Variants in GIGYF2 observed in about 807,000 individuals in gnomAD.
GIGYF2 encodes the protein GRB10 interacting GYF protein 2.
Under a neutral mutation model 208.1 loss-of-function variants are expected in GIGYF2, and 25 were observed. The observed-to-expected ratio is 0.12, with a 90% confidence interval of 0.09 to 0.17. The LOEUF (loss-of-function observed/expected upper bound fraction) is 0.17, where lower values mean the gene tolerates loss of function less well. Ranked by LOEUF, GIGYF2 falls within the 10% of genes least tolerant of loss-of-function variation. The pLI is 1.00. For missense variants in GIGYF2, 1,302 were observed against 1,579.4 expected (o/e 0.82, Z 2.98); for synonymous variants, 534 against 543.8 (o/e 0.98, Z 0.25).
In GIGYF2 at chr2:232,787,012, A is replaced by G. The variant is rs574314077; in HGVS notation, c.533-138A>G. 21 of 623,766 alleles carry G rather than the reference A, an allele frequency of 3.4e-5. No individual in the cohort carries two copies. The African/African-American group carries it at 5.8e-4, about 17-fold the overall frequency. The allele number at this position is 623,766 out of a possible 1,614,324, so 38.6% of individuals were successfully genotyped here. A position where few individuals can be genotyped will look rare whatever the true frequency, so the allele number is the denominator to read the frequency against. ...TGTCTAATAATATATACATATACCC[A>G]CTGTTATTTTAGTGATTTTTTTCTG... On this transcript the variant is annotated intron_variant, in intron 8 of 28. Coordinates refer to ENST00000373563, the MANE Select transcript of GIGYF2 (RefSeq NM_001103146.3).
intron 8 of GIGYF2, among the ~76,000 whole-genome samples, chr2:232,781,139 A>C (rs1179188997): frequency 6.6e-6 from 1 of 152,062 alleles, no homozygotes; most frequent in Admixed American, 6.5e-5. Context: ...TAGTACTTTT[A>C]GTAGAAACGG....
At chr2:232,742,916 G>A (rs1698023636) in intron 3 of GIGYF2, among the ~76,000 whole-genome samples, 1 of 152,174 alleles carries the variant, frequency 6.6e-6, no homozygotes, top group Admixed American at 6.5e-5. Context: ...TTACATGGTT[G>A]TGTATGAAAG....
chr2:232,799,056 G>C (rs1202327312), intron 14 of GIGYF2, among the ~76,000 whole-genome samples: 2 of 151,816 alleles, frequency 1.3e-5, no homozygotes, highest in African/African-American at 4.8e-5. Flanking sequence ...GAATCGTGCA[G>C]TATTTGTCTT....
At chr2:232,714,912 G>T (rs1052016788) in intron 2 of GIGYF2, among the ~76,000 whole-genome samples, 6 of 151,856 alleles carry the variant, frequency 4.0e-5, no homozygotes, top group African/African-American at 1.5e-4. Context: ...TATTTTTCCC[G>T]ATCCTCTCCC....
intron 1 of GIGYF2, among the ~76,000 whole-genome samples, chr2:232,698,458 C>T (rs1695704341): frequency 6.6e-6 from 1 of 151,934 alleles, no homozygotes; most frequent in Non-Finnish European, 1.5e-5. Flanking sequence ...ATAGTATGTC[C>T]TTTTTAGAAT....
chr2:232,851,769 T>C (rs1335356193), intron 28 of GIGYF2, among the ~76,000 whole-genome samples: 2 of 152,188 alleles, frequency 1.3e-5, no homozygotes, highest in African/African-American at 2.4e-5. Flanking sequence ...TATAAAACCA[T>C]GTTGTCTGCA....
chr2:232,703,674 C>T (rs1355102533), intron 2 of GIGYF2, among the ~76,000 whole-genome samples, 185 bp downstream of exon 2: 1 of 152,164 alleles, frequency 6.6e-6, no homozygotes, highest in Non-Finnish European at 1.5e-5. Flanking sequence ...TCTGCATTGA[C>T]CCTGGTGTGA....
chr2:232,729,015 G>A (rs1275700358), intron 2 of GIGYF2, among the ~76,000 whole-genome samples: 1 of 151,124 alleles, frequency 6.6e-6, no homozygotes, highest in African/African-American at 2.4e-5. Flanking sequence ...GTCTGGCTCT[G>A]TTGCCCAGGC....
chr2:232,708,509 G>C (rs1487570663), intron 2 of GIGYF2, among the ~76,000 whole-genome samples: 1 of 152,032 alleles, frequency 6.6e-6, no homozygotes, highest in African/African-American at 2.4e-5. Flanking sequence ...TGAAAAGCTT[G>C]AGGGCTTTTG....
chr2:232,730,034 C>G, intron 2 of GIGYF2: 1 of 843,344 alleles, frequency 1.2e-6, no homozygotes, highest in Non-Finnish European at 2.0e-6. Context: ...TGTGATTATA[C>G]CAACGAAGGG....
At chr2:232,797,217 T>C (rs1222386854) in intron 14 of GIGYF2, among the ~76,000 whole-genome samples, 4 of 152,218 alleles carry the variant, frequency 2.6e-5, no homozygotes, top group Admixed American at 2.0e-4. Flanking sequence ...GGGCACAGAA[T>C]GCTATCTATA....
At chr2:232,828,625 T>TA (rs1233066993) in intron 21 of GIGYF2, 2 of 152,186 alleles carry the variant, frequency 1.3e-5, no homozygotes, top group Non-Finnish European at 2.9e-5. Context: ...GCTAATTTTT[T>TA]AAAAAGTTTT....
At chr2:232,816,576 G>T (rs767168274) in intron 19 of GIGYF2, among the ~76,000 whole-genome samples, 61 of 152,188 alleles carry the variant, frequency 4.0e-4, no homozygotes, top group Non-Finnish European at 6.9e-4. Flanking sequence ...GCATTCAATT[G>T]AGACAGTCAT....
intron 14 of GIGYF2, among the ~76,000 whole-genome samples, chr2:232,803,024 T>G (rs568544939): frequency 5.3e-4 from 81 of 152,104 alleles, no homozygotes; most frequent in Non-Finnish European, 9.4e-4. Context: ...CTCAGCCTCC[T>G]GAGTAGCTGA....
At chr2:232,815,590 G>T (rs1211770923) in intron 18 of GIGYF2, 47 bp from the exon 19 acceptor site, 2 of 983,868 alleles carry the variant, frequency 2.0e-6, no homozygotes, top group Non-Finnish European at 3.3e-6. Flanking sequence ...ATGTCACCAT[G>T]TGTGTAAGCT....
At chr2:232,788,027 A>G (rs1699968162) in intron 9 of GIGYF2, 1 of 154,198 alleles carries the variant, frequency 6.5e-6, no homozygotes, top group Admixed American at 6.4e-5. Flanking sequence ...TGATAATCAG[A>G]TGCAACTGTA....
intron 2 of GIGYF2, among the ~76,000 whole-genome samples, chr2:232,708,671 TAAAAA>T (rs11365519): frequency 1.9e-4 from 23 of 120,396 alleles, no homozygotes; most frequent in East Asian, 7.1e-4. Context: ...CTCATTTCTT[TAAAAA>T]AAAAAAAAAA....
intron 2 of GIGYF2, among the ~76,000 whole-genome samples, chr2:232,722,167 T>C (rs1271958504): frequency 6.6e-6 from 1 of 152,190 alleles, no homozygotes; most frequent in Non-Finnish European, 1.5e-5. Context: ...TTAGCTTCCC[T>C]CTTGTATTAG....
At chr2:232,737,726 G>A (rs1697791929) in intron 3 of GIGYF2, among the ~76,000 whole-genome samples, 2 of 152,076 alleles carry the variant, frequency 1.3e-5, no homozygotes, top group African/African-American at 4.8e-5. Flanking sequence ...CTCTAAATGA[G>A]ACAGAAGCAC....
Sources: allele counts gnomAD v4.1 joint callset (sites outside exome capture counted in the v4.1 genomes callset), GRCh38; gene constraint gnomAD v4.1.1; transcripts MANE v1.5; gene names NCBI Gene and HGNC (gene_info 2026-07-23, HGNC 2026-07-21).